Variants in NLRC5 observed in about 807,000 individuals in gnomAD.
NLRC5 encodes the protein NLR family CARD domain containing 5, also known as protein NLRC5.
NLRC5 carries 114 observed loss-of-function variants against 206.9 expected under a neutral mutation model. The observed-to-expected ratio is 0.55, with a 90% confidence interval of 0.47 to 0.64. The LOEUF is 0.64. Ranked by LOEUF, NLRC5 falls within the 30% of genes least tolerant of loss-of-function variation. The pLI is 0.00. For synonymous variants in NLRC5, 952 were observed against 962.8 expected, an observed-to-expected ratio of 0.99 and a Z score of 0.21; for missense variants, 2,008 against 2,305.5, an observed-to-expected ratio of 0.87 and a Z score of 2.64.
chr16:57,067,951 C>T, intron 36 of NLRC5, 123 bp downstream of exon 36: 1 of 749,802 alleles, frequency 1.3e-6, no homozygotes, highest in Non-Finnish European at 2.3e-6. Flanking sequence ...GGACACAAAC[C>T]ACAGGTGGCC....
chr16:57,054,364 G>A (rs1195180624), intron 24 of NLRC5, among the ~76,000 whole-genome samples: 1 of 152,126 alleles, frequency 6.6e-6, no homozygotes, highest in Non-Finnish European at 1.5e-5. Flanking sequence ...GCAAGGACTC[G>A]CCTGTGAAAT....
At chr16:57,020,271 C>T (rs1473337371) in intron 2 of NLRC5, among the ~76,000 whole-genome samples, 1 of 150,700 alleles carries the variant, frequency 6.6e-6, no homozygotes, top group Non-Finnish European at 1.5e-5. Context: ...ATCTTCCTCC[C>T]AGCTCCCCTG....
intron 13 of NLRC5, among the ~76,000 whole-genome samples, chr16:57,035,468 A>G (rs192364647): frequency 6.6e-6 from 1 of 151,876 alleles, no homozygotes; most frequent in Non-Finnish European, 1.5e-5. Context: ...ATCTGACCCC[A>G]TCCTTCCACT....
At chr16:57,033,997 A>C (rs2062192768) in intron 12 of NLRC5, among the ~76,000 whole-genome samples, 171 bp from the exon 13 acceptor site, 1 of 152,202 alleles carries the variant, frequency 6.6e-6, no homozygotes, top group Non-Finnish European at 1.5e-5. Flanking sequence ...GAGGAAACTG[A>C]GTCTCAGACA....
In NLRC5 at chr16:57,026,863, C is replaced by G. The variant is rs367891230; in HGVS notation, c.1920C>G (p.Pro640=). 6.7e-5 allele frequency: 108 copies of G among 1,614,110 alleles called. No homozygotes were observed. Among genetic ancestry groups the G allele is most frequent in the Middle Eastern group, 3.3e-4 (2 of 6,084 alleles). ...LTAQSLPYQL[P]FHNFPLTCTD... ...CACAAAGCCTCCCCTATCAACTGCC[C>G]TTCCACAATTTCCCACTGACCTGCA... The change falls in exon 6 of 49, where the codon CCC becomes CCG. Residue 640 remains proline (P), a synonymous_variant. Transcript: ENST00000688547.
chr16:56,998,773 A>G (rs914212994), intron 1 of NLRC5, among the ~76,000 whole-genome samples: 2 of 152,270 alleles, frequency 1.3e-5, no homozygotes, highest in African/African-American at 2.4e-5. Context: ...TCCATGATAC[A>G]TCTTGAAGAT....
chr16:56,992,602 G>C (rs1198025818), intron 1 of NLRC5, among the ~76,000 whole-genome samples: 1 of 151,752 alleles, frequency 6.6e-6, no homozygotes, highest in African/African-American at 2.4e-5. Flanking sequence ...TCAGCTTCCT[G>C]AGTAGCTGGG....
In NLRC5 at chr16:57,030,073, G is replaced by A. The variant is rs2061633519; in HGVS notation, c.2406G>A (p.Met802Ile). The change falls in exon 10 of 49, where the codon ATG (methionine) becomes ATA (isoleucine). Residue 802 changes from methionine to isoleucine, a missense_variant. Met to Ile is a conservative substitution (Grantham distance 10). Transcript: ENST00000688547. ...CAGTCACGTGTCCTACCGTCAGGAT[G>A]CTTCAGGCCAGGTGAGCAGAAGGAA... The part of the protein sequence containing the change: ...RVAVTCPTVR[M>I]LQAREADLIF... The A allele has an allele frequency of 6.2e-7, 1 of 1,614,056 alleles. No homozygotes were observed. Among genetic ancestry groups the A allele is most frequent in the Non-Finnish European group, 8.5e-7 (1 of 1,179,930 alleles).
intron 33 of NLRC5, 36 bp downstream of exon 33, chr16:57,065,334 A>G (rs760776542): frequency 2.8e-6 from 4 of 1,436,466 alleles, no homozygotes; most frequent in Non-Finnish European, 3.8e-6. Context: ...GGAATTCTTC[A>G]TCTTTCATAA....
intron 21 of NLRC5, among the ~76,000 whole-genome samples, 157 bp downstream of exon 21, chr16:57,045,649 G>C (rs1212663185): frequency 6.6e-6 from 1 of 150,676 alleles, no homozygotes; most frequent in Non-Finnish European, 1.5e-5. Context: ...AGTAACCACC[G>C]CCCCCCCCAT....
At chr16:57,034,946 G>A (rs1230893504) in intron 13 of NLRC5, 1 of 152,252 alleles carries the variant, frequency 6.6e-6, no homozygotes, top group East Asian at 1.9e-4. Flanking sequence ...CCCACCTCAG[G>A]GTAAGACGGA....
chr16:57,027,075 C>T, intron 6 of NLRC5, 57 bp downstream of exon 6: 2 of 1,560,854 alleles, frequency 1.3e-6, no homozygotes, highest in East Asian at 2.3e-5. Context: ...GGAGCAGAGG[C>T]CAACCAGTCT....
At chr16:57,037,868 C>T (rs926022809) in intron 15 of NLRC5, among the ~76,000 whole-genome samples, 4 of 152,186 alleles carry the variant, frequency 2.6e-5, no homozygotes, top group Admixed American at 2.6e-4. Flanking sequence ...AAGCCTCATT[C>T]TCAACCCAGT....
rs2067505951 is a variant in NLRC5 at position 57,070,416 on chromosome 16, C to T, written c.4584-119C>T. 1.0e-5 allele frequency: 8 copies of T among 801,018 alleles called. No individual in the cohort carries two copies. In the Admixed American group the frequency reaches 1.7e-4, roughly 17 times the overall value. The allele number at this position is 801,018 out of a possible 1,614,324, so 49.6% of individuals were successfully genotyped here. Reference sequence around the variant, plus strand: ...CCTGGACAGCGAGGGTGGCCCAGGGCATGCAGATGCAGAGTTGGCCTCCCA... The same window carrying T: ...CCTGGACAGCGAGGGTGGCCCAGGGTATGCAGATGCAGAGTTGGCCTCCCA... On this transcript the variant is annotated intron_variant, in intron 37 of 48. Transcript: ENST00000688547.
intron 10 of NLRC5, among the ~76,000 whole-genome samples, 171 bp from the exon 11 acceptor site, chr16:57,031,217 GACATAATCAGTATTTC>G (rs1348311152): frequency 6.6e-6 from 1 of 152,122 alleles, no homozygotes; most frequent in African/African-American, 2.4e-5. Flanking sequence ...ATCAAGCAAA[GACATAATCAGTATTTC>G]ACATGCCTGA....
chr16:57,038,388 G>A (rs1180900398), intron 15 of NLRC5, among the ~76,000 whole-genome samples: 4 of 152,076 alleles, frequency 2.6e-5, no homozygotes, highest in African/African-American at 9.7e-5. Context: ...CTCCCAAAGT[G>A]CTGGGATTAC....
At position 57,025,966 on chromosome 16, in the gene NLRC5, G is replaced by A. The variant is rs756691502; in HGVS notation, c.1023G>A (p.Arg341=). Residue 341 remains arginine, a synonymous_variant, in exon 6 of 49, where the codon CGG becomes CGA. Coordinates refer to ENST00000688547, the MANE Select transcript of NLRC5 (RefSeq NM_001384950.1). ...ATGGGACCCTCCTGCCTGGCTGCCG[G>A]GTGATGGCTACCTCCCGTCCAGGGA... The part of the protein sequence containing the change: ...LCNGTLLPGC[R]VMATSRPGKL... 19 of 1,613,918 alleles carry A rather than the reference G, an allele frequency of 1.2e-5. No homozygotes were observed. The highest frequency in any genetic ancestry group is 1.6e-5 in the Non-Finnish European group (19 of 1,180,026).
chr16:57,013,828 A>C, intron 1 of NLRC5: 1 of 697,784 alleles, frequency 1.4e-6, no homozygotes. Context: ...CTCCAGCATA[A>C]GTTATTTCAT....
chr16:57,043,073 A>G (rs1458172434), intron 19 of NLRC5, among the ~76,000 whole-genome samples: 1 of 152,164 alleles, frequency 6.6e-6, no homozygotes, highest in African/African-American at 2.4e-5. Flanking sequence ...GTAGCATTAA[A>G]TAGTAAATAG....
Sources: allele counts gnomAD v4.1 joint callset (sites outside exome capture counted in the v4.1 genomes callset), GRCh38; gene constraint gnomAD v4.1.1; transcripts MANE v1.5; gene names NCBI Gene and HGNC (gene_info 2026-07-23, HGNC 2026-07-21).